Variants in SRFBP1 observed in about 807,000 individuals in gnomAD.
SRFBP1 encodes serum response factor binding protein 1, also known as serum response factor-binding protein 1.
A neutral mutation model predicts 45.5 loss-of-function variants in SRFBP1; 47 were observed. The ratio of observed to expected loss-of-function variants is 1.03; its 90% CI spans 0.82 to 1.32. The LOEUF is 1.32. Ranked by LOEUF, SRFBP1 falls within the 40% of genes most tolerant of loss-of-function variation. SRFBP1 has a pLI of 0.00. For missense variants in SRFBP1, 621 were observed against 484.6 expected, an observed-to-expected ratio of 1.28 and a Z score of -2.64; for synonymous variants, 203 against 166.3, an observed-to-expected ratio of 1.22 and a Z score of -1.70.
chr5:122,032,469 C>T (rs1249932377), downstream of SRFBP1, among the ~76,000 whole-genome samples: 1 of 146,702 alleles, frequency 6.8e-6, no homozygotes, highest in Non-Finnish European at 1.5e-5. Context: ...CACAGATGAA[C>T]AAATATATGT....
intron 1 of SRFBP1, among the ~76,000 whole-genome samples, chr5:121,972,422 A>G (rs1032955303): frequency 6.6e-6 from 1 of 151,908 alleles, no homozygotes; most frequent in African/African-American, 2.4e-5. Flanking sequence ...TAAAACAGGC[A>G]TTGTAGAGTG....
chr5:122,007,640 G>C (rs151206948), intron 4 of SRFBP1, among the ~76,000 whole-genome samples: 1,615 of 151,380 alleles, frequency 0.011, 44 homozygotes, highest in African/African-American at 0.037. Context: ...AGACAGGAGC[G>C]GTCCTGCACC....
At chr5:122,071,232 A>G (rs1398293306) in intron 2 of SRFBP1, among the ~76,000 whole-genome samples, 1 of 151,400 alleles carries the variant, frequency 6.6e-6, no homozygotes, top group Non-Finnish European at 1.5e-5. Flanking sequence ...TAAAAATTCA[A>G]TTTTCACAAC....
Position 122,012,479 on chromosome 5 carries a change from A to G in SRFBP1, c.271-6781A>G, listed in dbSNP as rs144102870. Among the ~76,000 whole-genome samples the G allele has an allele frequency of 3.4e-3, 517 of 152,264 alleles. 2 individuals are homozygous for G. Among genetic ancestry groups the G allele is most frequent in the Non-Finnish European group, 5.4e-3 (370 of 67,960 alleles). ...ACTAAATTTAGTATTTATGAAACAT[A>G]TAACTAATGTGTATGTTAATAAGTT... On this transcript the variant is annotated intron_variant, in intron 4 of 7. Transcript: ENST00000339397.
At chr5:122,073,123 C>T (rs766713009) in intron 2 of SRFBP1, among the ~76,000 whole-genome samples, 1 of 152,198 alleles carries the variant, frequency 6.6e-6, no homozygotes, top group Non-Finnish European at 1.5e-5. Flanking sequence ...CTGGAATTTG[C>T]TTCCCAAGAT....
At chr5:122,019,475 G>T in intron 5 of SRFBP1, 134 bp downstream of exon 5, 1 of 681,026 alleles carries the variant, frequency 1.5e-6, no homozygotes, top group Non-Finnish European at 2.3e-6. Flanking sequence ...AGTGTGGAAG[G>T]TGTCTGAAAA....
intron 1 of SRFBP1, among the ~76,000 whole-genome samples, chr5:121,962,614 A>G (rs1751972796): frequency 1.3e-5 from 2 of 152,188 alleles, no homozygotes; most frequent in Non-Finnish European, 2.9e-5. Flanking sequence ...AGAGCTGTTT[A>G]TACTTGCTAT....
intron 6 of SRFBP1, among the ~76,000 whole-genome samples, chr5:122,021,591 A>G (rs1166977320): frequency 6.6e-6 from 1 of 152,126 alleles, no homozygotes; most frequent in African/African-American, 2.4e-5. Context: ...ATATTTTCCA[A>G]ACTTGCCTCA....
chr5:122,014,100 G>T (rs1225406959), intron 4 of SRFBP1, among the ~76,000 whole-genome samples: 1 of 152,086 alleles, frequency 6.6e-6, no homozygotes, highest in Non-Finnish European at 1.5e-5. Context: ...CTGATTTGAT[G>T]ATTCTACAAT....
At chr5:122,000,494 A>G (rs80283308) in intron 4 of SRFBP1, among the ~76,000 whole-genome samples, 6,766 of 152,096 alleles carry the variant, frequency 0.044, 177 homozygotes, top group African/African-American at 0.061. Context: ...GTAAGTTTCT[A>G]CAATTTTTTT....
At chr5:122,010,400 C>T (rs1019997425) in intron 4 of SRFBP1, among the ~76,000 whole-genome samples, 1 of 152,006 alleles carries the variant, frequency 6.6e-6, no homozygotes, top group African/African-American at 2.4e-5. Context: ...GAAATAGGAA[C>T]CAAGGAAGGC....
intron 3 of SRFBP1, among the ~76,000 whole-genome samples, chr5:121,980,777 C>G (rs1391538767): frequency 6.6e-6 from 1 of 152,024 alleles, no homozygotes; most frequent in Non-Finnish European, 1.5e-5. Context: ...CTTAGCAGTT[C>G]CAGTCTCAGT....
downstream of SRFBP1, chr5:122,078,002 T>C (rs774193723): frequency 1.5e-5 from 22 of 1,440,460 alleles, no homozygotes; most frequent in African/African-American, 7.5e-5. Context: ...TTTTGCCAGA[T>C]TGACCCCGCT....
At chr5:121,971,938 C>G (rs1752208276) in intron 1 of SRFBP1, among the ~76,000 whole-genome samples, 1 of 151,840 alleles carries the variant, frequency 6.6e-6, no homozygotes, top group South Asian at 2.1e-4. Context: ...GGATGAAAAT[C>G]AAACTGGATT....
At position 122,027,147 on chromosome 5, in the gene SRFBP1, CTT is replaced by C. The variant is rs1410149541; in HGVS notation, c.*24_*25del. The stretch of plus-strand genomic sequence containing the variant: ...ATTGATTAGTGCCTCTTTCTGCAAA[CTT>C]TTCCATCTAAAAAAAAAAATGTTTT... On this transcript the variant is annotated 3_prime_UTR_variant, in exon 8 of 8. Coordinates refer to ENST00000339397, the MANE Select transcript of SRFBP1 (RefSeq NM_152546.3). 1 of 1,567,302 alleles carries C rather than the reference CTT, an allele frequency of 6.4e-7. No individual in the cohort carries two copies.
chr5:121,994,850 G>C (rs1360316119), intron 4 of SRFBP1, among the ~76,000 whole-genome samples, 180 bp downstream of exon 4: 1 of 151,842 alleles, frequency 6.6e-6, no homozygotes, highest in Non-Finnish European at 1.5e-5. Context: ...ATTTTGTTTT[G>C]CTGTAATATC....
intron 7 of SRFBP1, among the ~76,000 whole-genome samples, chr5:122,024,197 AC>A (rs1287974102): frequency 6.6e-6 from 1 of 152,146 alleles, no homozygotes; most frequent in Admixed American, 6.5e-5. Context: ...CCAGCCAGTT[AC>A]CTTTGTACAG....
At chr5:122,010,592 G>T (rs1753072990) in intron 4 of SRFBP1, among the ~76,000 whole-genome samples, 2 of 152,078 alleles carry the variant, frequency 1.3e-5, no homozygotes, top group Admixed American at 1.3e-4. Context: ...TGATTGATAA[G>T]TGATTAGCTT....
chr5:122,002,551 C>A (rs1218613617), intron 4 of SRFBP1, among the ~76,000 whole-genome samples: 1 of 152,272 alleles, frequency 6.6e-6, no homozygotes. Flanking sequence ...GGAACAGATA[C>A]TGCATAGTTT....
Sources: gnomAD v4.1 joint callset for allele counts (sites outside exome capture counted in the v4.1 genomes callset) on GRCh38, gnomAD v4.1.1 for gene constraint, MANE v1.5 for transcripts, NCBI Gene and HGNC (gene_info 2026-07-23, HGNC 2026-07-21) for gene names.